Variants in KLHDC2 observed in about 807,000 individuals in gnomAD.
KLHDC2 encodes the protein kelch domain containing 2.
A neutral mutation model predicts 62.3 loss-of-function variants in KLHDC2; 38 were observed. The observed-to-expected ratio is 0.61, with a 90% CI of 0.47 to 0.80. The LOEUF is 0.80. Ranked by LOEUF, KLHDC2 falls within the 30% of genes least tolerant of loss-of-function variation. The pLI, the probability that KLHDC2 is intolerant of heterozygous loss-of-function variation, is 0.00. For synonymous variants in KLHDC2, 159 were observed against 161.0 expected (o/e 0.99, Z 0.09); for missense variants, 430 against 495.3 (o/e 0.87, Z 1.25).
In KLHDC2 at chr14:49,770,249, C is replaced by T. The variant is rs570442691; in HGVS notation, c.154-1345C>T. ...ATGGTTCTGAAACAGACTGCCCTCC[C>T]CATTTATGGCTGGTGGCTGGAACCC... On this transcript the variant is annotated intron_variant, in intron 1 of 12. Transcript: ENST00000298307. Among the ~76,000 whole-genome samples, 22 of 152,192 alleles carry T rather than the reference C, an allele frequency of 1.4e-4. No individual in the cohort carries two copies. The East Asian group carries it at 3.3e-3, about 23-fold the overall frequency.
At chr14:49,778,286 G>C in intron 5 of KLHDC2, 27 bp downstream of exon 5, 3 of 1,452,588 alleles carry the variant, frequency 2.1e-6, no homozygotes, top group Non-Finnish European at 2.9e-6. Context: ...ATTTGCATAT[G>C]GCCTCCTTAG....
chr14:49,781,560 C>T (rs1332139444), intron 10 of KLHDC2, among the ~76,000 whole-genome samples: 1 of 151,892 alleles, frequency 6.6e-6, no homozygotes, highest in East Asian at 1.9e-4. Context: ...AAAACCCCAT[C>T]TCTACAAATA....
chr14:49,769,280 A>T (rs933354530), intron 1 of KLHDC2, among the ~76,000 whole-genome samples: 1 of 152,196 alleles, frequency 6.6e-6, no homozygotes, highest in African/African-American at 2.4e-5. Context: ...TGACTCTCCG[A>T]TCCCCTGGTT....
intron 9 of KLHDC2, 67 bp from the exon 10 acceptor site, chr14:49,780,636 G>C (rs1889875859): frequency 1.9e-6 from 2 of 1,058,760 alleles, no homozygotes; most frequent in African/African-American, 3.1e-5. Flanking sequence ...TCTTGCCAAA[G>C]CTGTGCCCTT....
chr14:49,785,058 T>A lies in KLHDC2; in HGVS notation c.*2105T>A, dbSNP rs759008949. 8 of 1,606,474 alleles carry A rather than the reference T, an allele frequency of 5.0e-6. No individual in the cohort carries two copies. Among genetic ancestry groups the A allele is most frequent in the Non-Finnish European group, 6.8e-6 (8 of 1,173,494 alleles). On this transcript the variant is annotated 3_prime_UTR_variant, in exon 13 of 13. Transcript: ENST00000298307. Reference sequence around the variant, plus strand: ...TCTACTGTTAAGTCACTGAACTGTTTAAAATCATAATTCAAAAAAACAAAT... The same window carrying A: ...TCTACTGTTAAGTCACTGAACTGTTAAAAATCATAATTCAAAAAAACAAAT...
Position 49,785,373 on chromosome 14 carries a change from A to C in KLHDC2, c.*2420A>C. On this transcript the variant is annotated 3_prime_UTR_variant, in exon 13 of 13. Coordinates refer to ENST00000298307, the MANE Select transcript of KLHDC2 (RefSeq NM_014315.3). The stretch of plus-strand genomic sequence containing the variant: ...GGCAATTTATACCGCCCTTTACAAA[A>C]AATGCTAAAACACTTGAATTAGTAT... The C allele has an allele frequency of 8.2e-7, 1 of 1,223,814 alleles. No homozygotes were observed. The highest frequency in any genetic ancestry group is 1.2e-6 in the Non-Finnish European group (1 of 825,630). The allele number at this position is 1,223,814 out of a possible 1,614,324, so 75.8% of individuals were successfully genotyped here.
intron 1 of KLHDC2, 94 bp downstream of exon 1, chr14:49,768,715 G>A (rs1226269989): frequency 8.1e-6 from 10 of 1,233,554 alleles, no homozygotes; most frequent in Admixed American, 3.4e-5. Context: ...GGCCGCCGAG[G>A]GCGCTCCCCG....
chr14:49,772,444 C>T (rs1351967532), intron 2 of KLHDC2, among the ~76,000 whole-genome samples: 1 of 152,048 alleles, frequency 6.6e-6, no homozygotes, highest in African/African-American at 2.4e-5. Flanking sequence ...TCCAGTTTGC[C>T]CTTTTTGTAA....
chr14:49,777,170 TCTCA>T (rs1164478103), intron 3 of KLHDC2, among the ~76,000 whole-genome samples: 3 of 152,234 alleles, frequency 2.0e-5, no homozygotes, highest in African/African-American at 4.8e-5. Context: ...CACCATATGT[TCTCA>T]CTCATAAGTG....
At position 49,779,576 on chromosome 14, in the gene KLHDC2, G is replaced by T; in HGVS notation, c.634-19G>T. The T allele has an allele frequency of 6.2e-7, 1 of 1,603,380 alleles. No homozygotes were observed. ...CTGTTTATAAAAAGTTCACTAACTT[G>T]CTTATGTGCCTCTAATAGGGTAAAG... On this transcript the variant is annotated intron_variant, in intron 6 of 12. Transcript: ENST00000298307.
chr14:49,783,920 C>A lies in KLHDC2; in HGVS notation c.*967C>A, dbSNP rs1890035470. The A allele has an allele frequency of 6.6e-6, 1 of 152,084 alleles. No homozygotes were observed. The highest frequency in any genetic ancestry group is 1.5e-5 in the Non-Finnish European group (1 of 67,988). 9.4% of individuals were successfully genotyped at this position (152,084 alleles called of 1,614,324 possible). ...ACTCCAATACTTAGTTTTCAAGACA[C>A]AATCCTAAATATTTAAACCCCTTGT... is the stretch of plus-strand genomic sequence containing the variant. On this transcript the variant is annotated 3_prime_UTR_variant, in exon 13 of 13. Coordinates refer to ENST00000298307, the MANE Select transcript of KLHDC2 (RefSeq NM_014315.3).
rs1890128143 is a variant in KLHDC2, at chr14:49,785,486, T to C, written c.*2533T>C. On this transcript the variant is annotated 3_prime_UTR_variant, in exon 13 of 13. Coordinates refer to ENST00000298307, the MANE Select transcript of KLHDC2 (RefSeq NM_014315.3). ...AACTCTGCTTCATAGTTCCAAAGAG[T>C]TGAAGACCAATGTTTAAATATATTC... The C allele has an allele frequency of 1.7e-6, 1 of 591,376 alleles. No individual in the cohort carries two copies. Among genetic ancestry groups the C allele is most frequent in the Non-Finnish European group, 3.0e-6 (1 of 329,602 alleles). The allele number at this position is 591,376 out of a possible 1,614,324, so 36.6% of individuals were successfully genotyped here. A position where few individuals can be genotyped will look rare whatever the true frequency, so the allele number is the denominator to read the frequency against.
In KLHDC2 at chr14:49,777,964, C is replaced by G; in HGVS notation, c.467+10C>G. On this transcript the variant is annotated intron_variant, in intron 4 of 12. Transcript: ENST00000298307. ...GGGTATATAAAAACAAGTAAGTTGG[C>G]AGCACTACAGGTTTGGGTTTTTATG... 6.6e-7 allele frequency: 1 copy of G among 1,513,486 alleles called. No individual in the cohort carries two copies. The highest frequency in any genetic ancestry group is 9.1e-7 in the Non-Finnish European group (1 of 1,094,590). The allele number at this position is 1,513,486 out of a possible 1,614,324, so 93.8% of individuals were successfully genotyped here. A position where few individuals can be genotyped will look rare whatever the true frequency, so the allele number is the denominator to read the frequency against.
Position 49,778,476 on chromosome 14 carries a change from G to C in KLHDC2, c.615G>C (p.Trp205Cys). 1 of 1,540,960 alleles carries C rather than the reference G, an allele frequency of 6.5e-7. No individual in the cohort carries two copies. The highest frequency in any genetic ancestry group is 8.9e-7 in the Non-Finnish European group (1 of 1,127,620). The change falls in exon 6 of 13, where the codon TGG becomes TGC. Residue 205 changes from tryptophan to cysteine, a missense_variant. Physicochemically the swap from Trp to Cys is radical, Grantham distance 215 (BLOSUM62 -2). Coordinates refer to ENST00000298307, the MANE Select transcript of KLHDC2 (RefSeq NM_014315.3). ...TTTTAGATACTGAAACATTTACCTG[G>C]AGCCAGCCTATAACTACTGTGAGTT... ...VHILDTETFT[W>C]SQPITTGKAP...
chr14:49,768,845 A>C, intron 1 of KLHDC2: 2 of 491,370 alleles, frequency 4.1e-6, no homozygotes, highest in South Asian at 2.9e-5. Flanking sequence ...CTGTCATGTC[A>C]CCCTGGTGCT....
chr14:49,779,560 A>G (rs1594704096), intron 6 of KLHDC2, 35 bp from the exon 7 acceptor site: 1 of 1,550,118 alleles, frequency 6.5e-7, no homozygotes, highest in East Asian at 2.3e-5. Flanking sequence ...CCTGTTTATA[A>G]AAAGTTCACT....
chr14:49,777,085 A>G (rs1417969422), intron 3 of KLHDC2, among the ~76,000 whole-genome samples: 2 of 152,122 alleles, frequency 1.3e-5, no homozygotes, highest in Admixed American at 6.5e-5. Flanking sequence ...GAACAAAATA[A>G]TGGCATTTGC....
chr14:49,782,617 CTTAGA>C (rs764076810), intron 12 of KLHDC2, 23 bp downstream of exon 12: 13 of 1,565,798 alleles, frequency 8.3e-6, no homozygotes, highest in African/African-American at 1.4e-5. Context: ...GTACTTGGCA[CTTAGA>C]TTATTTAAAA....
Position 49,783,087 on chromosome 14 carries a change from C to A in KLHDC2, c.*134C>A. 1.3e-6 allele frequency: 1 copy of A among 755,616 alleles called. No homozygotes were observed. The highest frequency in any genetic ancestry group is 2.0e-6 in the Non-Finnish European group (1 of 498,410). 46.8% of individuals were successfully genotyped at this position (755,616 alleles called of 1,614,324 possible). ...TGGTTTTAATGTGCATGTGAATGGC[C>A]TAGAGAACCTATTTTTGTGTCTAAA... On this transcript the variant is annotated 3_prime_UTR_variant, in exon 13 of 13. Transcript: ENST00000298307.
Sources: gnomAD v4.1 joint callset for allele counts (sites outside exome capture counted in the v4.1 genomes callset) on GRCh38, gnomAD v4.1.1 for gene constraint, MANE v1.5 for transcripts, NCBI Gene and HGNC (gene_info 2026-07-23, HGNC 2026-07-21) for gene names.